PTPRD: variants seen among roughly 807,000 people sequenced by gnomAD.
PTPRD encodes the protein protein tyrosine phosphatase receptor type D, also known as receptor-type tyrosine-protein phosphatase delta.
In PTPRD, 34 loss-of-function variants were observed where a neutral mutation model predicts 214.5. That is an observed-to-expected ratio of 0.16 (90% CI 0.12 to 0.21). PTPRD has a LOEUF of 0.21. PTPRD is among the 10% of genes least tolerant of loss of function. The pLI, the probability that PTPRD is intolerant of heterozygous loss-of-function variation, is 1.00. For synonymous variants in PTPRD, 1,128 were observed against 845.7 expected, an observed-to-expected ratio of 1.33 and a Z score of -5.79; for missense variants, 2,545 against 2,398.7, an observed-to-expected ratio of 1.06 and a Z score of -1.27.
At chr9:9,157,202 T>C (rs1355283670) in intron 10 of PTPRD, among the ~76,000 whole-genome samples, 2 of 151,912 alleles carry the variant, frequency 1.3e-5, no homozygotes, top group Non-Finnish European at 2.9e-5. Flanking sequence ...ATAAACAATA[T>C]AATGTTACAC....
At position 8,449,711 on chromosome 9, in the gene PTPRD, G is replaced by A. The variant is rs370860380; in HGVS notation, c.3988+14C>T. ...GAAAGACTGTGTGTGGATTAGATGT[G>A]TGATGCTTCTTACCCGGTGTTTGAA... On this transcript the variant is annotated intron_variant, in intron 34 of 45. Transcript: ENST00000381196. The A allele has an allele frequency of 6.2e-7, 1 of 1,609,560 alleles. No homozygotes were observed.
chr9:10,556,239 A>G (rs1461928350), intron 2 of PTPRD, among the ~76,000 whole-genome samples: 1 of 152,010 alleles, frequency 6.6e-6, no homozygotes, highest in East Asian at 1.9e-4. Flanking sequence ...ATCATTTCCT[A>G]TCAATATAAT....
intron 5 of PTPRD, among the ~76,000 whole-genome samples, chr9:9,845,643 T>G (rs1309180994): frequency 6.6e-6 from 1 of 151,958 alleles, no homozygotes; most frequent in Admixed American, 6.6e-5. Flanking sequence ...TATGTTGGAT[T>G]GAGGCAGGTC....
At chr9:8,770,055 T>G (rs931246056) in intron 11 of PTPRD, among the ~76,000 whole-genome samples, 1 of 152,080 alleles carries the variant, frequency 6.6e-6, no homozygotes, top group Admixed American at 6.5e-5. Context: ...CCGAGGCCGG[T>G]GGATCACCTG....
At chr9:9,658,764 T>C (rs961447085) in intron 7 of PTPRD, among the ~76,000 whole-genome samples, 1 of 152,144 alleles carries the variant, frequency 6.6e-6, no homozygotes, top group Non-Finnish European at 1.5e-5. Context: ...GGGAAATCTT[T>C]ATTGAGATCT....
intron 33 of PTPRD, among the ~76,000 whole-genome samples, chr9:8,459,913 A>G (rs1048840855): frequency 1.3e-5 from 2 of 151,978 alleles, no homozygotes; most frequent in Admixed American, 1.3e-4. Context: ...CCCTTCCTTA[A>G]TCCTTAATTT....
Position 8,353,817 on chromosome 9 carries a change from A to AAATATGT in PTPRD, c.4662-11840_4662-11839insACATATT, listed in dbSNP as rs1381526587. ...AATTTGAGACTCCTTCTCAAAAAAA[A>AAATATGT]ATATATGTATATATGTATATATGTA... On this transcript the variant is annotated intron_variant, in intron 39 of 45. Coordinates refer to ENST00000381196, the MANE Select transcript of PTPRD (RefSeq NM_002839.4). 1.3e-4 allele frequency among the ~76,000 whole-genome samples: 13 copies of AAATATGT among 98,588 alleles called. 1 individual carries two copies. Among genetic ancestry groups the AAATATGT allele is most frequent in the Admixed American group, 1.1e-3 (10 of 8,830 alleles). The allele number at this position is 98,588 out of a possible 152,430, so 64.7% of individuals were successfully genotyped here. A position where few individuals can be genotyped will look rare whatever the true frequency, so the allele number is the denominator to read the frequency against.
intron 14 of PTPRD, among the ~76,000 whole-genome samples, chr9:8,570,035 G>C (rs1168956584): frequency 6.6e-6 from 1 of 152,032 alleles, no homozygotes; most frequent in Non-Finnish European, 1.5e-5. Flanking sequence ...CATCGCATAA[G>C]TAGATATCAG....
At chr9:8,788,244 T>C (rs1366278345) in intron 11 of PTPRD, among the ~76,000 whole-genome samples, 1 of 147,110 alleles carries the variant, frequency 6.8e-6, no homozygotes, top group African/African-American at 2.5e-5. Context: ...TTTTGGTTCA[T>C]ATAAGATGAT....
At chr9:9,029,942 T>G (rs2099599222) in intron 10 of PTPRD, among the ~76,000 whole-genome samples, 1 of 151,958 alleles carries the variant, frequency 6.6e-6, no homozygotes, top group African/African-American at 2.4e-5. Flanking sequence ...TTTCAGGTGG[T>G]GACTCAATGG....
intron 10 of PTPRD, among the ~76,000 whole-genome samples, chr9:9,089,231 A>C (rs1353864379): frequency 6.6e-6 from 1 of 152,208 alleles, no homozygotes; most frequent in African/African-American, 2.4e-5. Flanking sequence ...GTAAATGTTT[A>C]GAGAATAAAT....
chr9:9,380,251 C>T lies in PTPRD; in HGVS notation c.-203+17198G>A, dbSNP rs996079206. On this transcript the variant is annotated intron_variant, in intron 9 of 45. Transcript: ENST00000381196. ...GACACTACTTTCACTGCATCCCACA[C>T]ATTTTGATAAGTTGTGTTTTCATTT... Among the ~76,000 whole-genome samples, 142 of 152,210 alleles carry T rather than the reference C, an allele frequency of 9.3e-4. 1 individual carries two copies. Among genetic ancestry groups the T allele is most frequent in the Middle Eastern group, 3.4e-3 (1 of 294 alleles).
chr9:9,050,040 G>T (rs561919062), intron 10 of PTPRD, among the ~76,000 whole-genome samples: 2 of 152,296 alleles, frequency 1.3e-5, no homozygotes, highest in African/African-American at 2.4e-5. Context: ...ATGGTTTCCT[G>T]CCCTAGCTCC....
chr9:8,922,792 G>A (rs914709518), intron 11 of PTPRD, among the ~76,000 whole-genome samples: 38 of 151,514 alleles, frequency 2.5e-4, no homozygotes, highest in Non-Finnish European at 1.3e-4. Flanking sequence ...GACTACAGGC[G>A]TGTGCCATCA....
intron 8 of PTPRD, among the ~76,000 whole-genome samples, chr9:9,412,060 A>G (rs1010547859): frequency 1.3e-5 from 2 of 152,224 alleles, no homozygotes; most frequent in Non-Finnish European, 1.5e-5. Flanking sequence ...TGTCTGAGCC[A>G]GCAGAGTAGA....
chr9:9,113,326 A>T (rs1046281197), intron 10 of PTPRD, among the ~76,000 whole-genome samples: 1 of 151,990 alleles, frequency 6.6e-6, no homozygotes, highest in African/African-American at 2.4e-5. Flanking sequence ...TTTCCATCTG[A>T]TGCTTATATT....
intron 3 of PTPRD, among the ~76,000 whole-genome samples, chr9:10,207,677 A>G (rs1379092131): frequency 1.3e-5 from 2 of 151,864 alleles, no homozygotes; most frequent in African/African-American, 4.8e-5. Flanking sequence ...ATAAAGAGCA[A>G]GAAACTTGTC....
At chr9:8,616,160 G>T (rs573342894) in intron 14 of PTPRD, among the ~76,000 whole-genome samples, 1 of 152,162 alleles carries the variant, frequency 6.6e-6, no homozygotes, top group South Asian at 2.1e-4. Flanking sequence ...CTCATATCCT[G>T]ACTTTCTAAC....
chr9:8,847,747 T>C (rs912474091), intron 11 of PTPRD, among the ~76,000 whole-genome samples: 1 of 151,850 alleles, frequency 6.6e-6, no homozygotes, highest in Non-Finnish European at 1.5e-5. Flanking sequence ...TATTATAAAA[T>C]AGGTTAAATG....
Sources: allele counts gnomAD v4.1 joint callset (sites outside exome capture counted in the v4.1 genomes callset), GRCh38; gene constraint gnomAD v4.1.1; transcripts MANE v1.5; gene names NCBI Gene and HGNC (gene_info 2026-07-23, HGNC 2026-07-21).